MTCL1: variants seen among roughly 807,000 people sequenced by gnomAD.
The protein encoded by MTCL1 is microtubule cross-linking factor 1.
In MTCL1, 79 loss-of-function variants were observed where a neutral mutation model predicts 141.4. The ratio of observed to expected loss-of-function variants is 0.56; its 90% CI spans 0.47 to 0.67. The LOEUF is 0.67. Ranked by LOEUF, MTCL1 falls within the 30% of genes least tolerant of loss-of-function variation. MTCL1 has a pLI of 0.00. For missense variants in MTCL1, 2,177 were observed against 2,113.9 expected, an observed-to-expected ratio of 1.03 and a Z score of -0.59; for synonymous variants, 914 against 875.8, an observed-to-expected ratio of 1.04 and a Z score of -0.77.
chr18:8,715,745 C>T (rs1341030201), upstream of MTCL1, among the ~76,000 whole-genome samples: 1 of 152,210 alleles, frequency 6.6e-6, no homozygotes, highest in Non-Finnish European at 1.5e-5. Flanking sequence ...AACCACAAGG[C>T]TCATTTTAAA....
intron 4 of MTCL1, among the ~76,000 whole-genome samples, chr18:8,762,980 T>A (rs1325232877): frequency 2.6e-5 from 4 of 152,228 alleles, no homozygotes; most frequent in Admixed American, 1.3e-4. Context: ...TCCTCTTTGT[T>A]AATTTCATTC....
At chr18:8,749,219 G>T (rs1044133132) in intron 4 of MTCL1, among the ~76,000 whole-genome samples, 1 of 152,246 alleles carries the variant, frequency 6.6e-6, no homozygotes, top group African/African-American at 2.4e-5. Context: ...GAGAATGACA[G>T]GTGTGCTGTG....
At chr18:8,831,773 A>T in exon 17 of MTCL1, 1 of 1,549,916 alleles carries the variant, frequency 6.5e-7, no homozygotes, top group Non-Finnish European at 8.7e-7. Context: ...GGTGGCGAGG[A>T]GCCGCCCGAG....
chr18:8,825,780 T>A (rs1337835849), exon 15 of MTCL1: 1 of 1,614,054 alleles, frequency 6.2e-7, no homozygotes, highest in Non-Finnish European at 8.5e-7. Context: ...TGAGTCAGCC[T>A]GGGCCCGCTC....
intron 4 of MTCL1, among the ~76,000 whole-genome samples, chr18:8,763,228 G>A (rs965290271): frequency 6.6e-6 from 1 of 152,318 alleles, no homozygotes; most frequent in African/African-American, 2.4e-5. Flanking sequence ...GTTACCAGGG[G>A]GTTAGAAATC....
rs114965084 is a variant in MTCL1, at chr18:8,825,411, G to T, written c.3901G>T (p.Glu1301Ter). The T allele has an allele frequency of 6.5e-7, 1 of 1,545,396 alleles. No homozygotes were observed. Among genetic ancestry groups the T allele is most frequent in the South Asian group, 1.3e-5 (1 of 79,838 alleles). Residue 1301 changes from glutamate to a stop codon, truncating the protein, a stop_gained, in exon 15 of 17, where the codon GAG becomes TAG. Transcript: ENST00000359865. LOFTEE classifies it high-confidence loss of function. ...GAATGCCATCTGCTCCGGCCCTGGC[G>T]AGCTGCAAGTCAAGGACATGGCCTG... is the stretch of plus-strand genomic sequence containing the variant.
upstream of MTCL1, among the ~76,000 whole-genome samples, chr18:8,716,224 A>G (rs921979486): frequency 4.9e-4 from 74 of 152,320 alleles, no homozygotes; most frequent in African/African-American, 1.7e-3. Context: ...TATGCATTTG[A>G]CTACTGGGAA....
chr18:8,736,835 T>C (rs570155444), intron 4 of MTCL1, among the ~76,000 whole-genome samples: 204 of 151,836 alleles, frequency 1.3e-3, no homozygotes, highest in African/African-American at 4.8e-3. Flanking sequence ...AGAGACGGGG[T>C]TTCACCATGT....
rs1256135949 is a variant in MTCL1 at position 8,809,699 on chromosome 18, C to T, written c.2604+2639C>T. The T allele has an allele frequency of 1.8e-5, 24 of 1,335,612 alleles. No homozygotes were observed. The East Asian group carries it at 3.3e-4, about 18-fold the overall frequency. The allele number at this position is 1,335,612 out of a possible 1,614,324, so 82.7% of individuals were successfully genotyped here. ...AGACGCCGTGGAGCAACAGGCACCTCGCACGGCTGTCAGGTTTCTAGTACG... is the reference window on the plus strand; with the variant it reads ...AGACGCCGTGGAGCAACAGGCACCTTGCACGGCTGTCAGGTTTCTAGTACG... On this transcript the variant is annotated intron_variant, in intron 11 of 16. Transcript: ENST00000359865.
chr18:8,805,419 T>G lies in MTCL1; in HGVS notation c.2437-1474T>G, dbSNP rs112147053. 1.4e-3 allele frequency among the ~76,000 whole-genome samples: 214 copies of G among 152,350 alleles called. 1 individual carries two copies. Among genetic ancestry groups the G allele is most frequent in the African/African-American group, 5.0e-3 (206 of 41,580 alleles). ...TAATGGCCTCCAGCTGCAACCATGT[T>G]GCTGCAGAAGCCATGATTTCATTCT... On this transcript the variant is annotated intron_variant, in intron 10 of 16. Coordinates refer to ENST00000359865, the Ensembl canonical transcript of MTCL1.
chr18:8,827,488 G>A (rs1283334476), intron 15 of MTCL1, among the ~76,000 whole-genome samples: 1 of 152,216 alleles, frequency 6.6e-6, no homozygotes, highest in Non-Finnish European at 1.5e-5. Flanking sequence ...CATGTTCCAA[G>A]ATCTGAGTCT....
At chr18:8,806,761 C>A in intron 10 of MTCL1, 132 bp from the exon 10 acceptor site, 1 of 789,014 alleles carries the variant, frequency 1.3e-6, no homozygotes, top group Non-Finnish European at 2.0e-6. Flanking sequence ...GACTCCCCAC[C>A]CACCCTGCAC....
intron 3 of MTCL1, among the ~76,000 whole-genome samples, chr18:8,719,688 A>G (rs1398864599): frequency 6.6e-6 from 1 of 152,130 alleles, no homozygotes; most frequent in East Asian, 1.9e-4. Context: ...TTCACCTCTC[A>G]AGTAGCTGGG....
intron 12 of MTCL1, among the ~76,000 whole-genome samples, chr18:8,814,644 A>G (rs191429845): frequency 6.6e-6 from 1 of 152,334 alleles, no homozygotes; most frequent in Admixed American, 6.5e-5. Context: ...CCGGTGTCAC[A>G]GTAACTCCAG....
exon 6 of MTCL1, chr18:8,784,122 A>T (rs749229614): frequency 1.2e-6 from 2 of 1,613,546 alleles, no homozygotes; most frequent in South Asian, 1.1e-5. Flanking sequence ...CTGCAGGAGG[A>T]GCTGAAGTCA....
chr18:8,781,241 C>G (rs2096531764), intron 5 of MTCL1, among the ~76,000 whole-genome samples: 1 of 148,274 alleles, frequency 6.7e-6, no homozygotes, highest in African/African-American at 2.5e-5. Flanking sequence ...TGCTTTTCCT[C>G]TAGTATTAGT....
At chr18:8,814,760 C>T (rs576213182) in intron 12 of MTCL1, among the ~76,000 whole-genome samples, 1 of 152,210 alleles carries the variant, frequency 6.6e-6, no homozygotes, top group Non-Finnish European at 1.5e-5. Context: ...CTGCCATGCC[C>T]CCTTTAGGGT....
In MTCL1 at chr18:8,822,764, C is replaced by T. The variant is rs1397480688; in HGVS notation, c.3188+1266C>T. Among the ~76,000 whole-genome samples, 1 of 151,864 alleles carries T rather than the reference C, an allele frequency of 6.6e-6. No individual in the cohort carries two copies. Among genetic ancestry groups the T allele is most frequent in the African/African-American group, 2.4e-5 (1 of 41,314 alleles). On this transcript the variant is annotated intron_variant, in intron 14 of 16. Transcript: ENST00000359865. This position sits in a 1 kb window ranked among gnomAD's most constrained non-coding sequence, Gnocchi z 4.6. The stretch of plus-strand genomic sequence containing the variant: ...CACATGGCACAAAACAAACAGTAAA[C>T]AGAGTTTAGTCATTACACCCTCCCA...
intron 15 of MTCL1, among the ~76,000 whole-genome samples, chr18:8,827,280 C>G (rs1175770600): frequency 6.6e-6 from 1 of 152,212 alleles, no homozygotes; most frequent in African/African-American, 2.4e-5. Flanking sequence ...AGGTGTATTG[C>G]CTGTTTCACC....
Sources: gnomAD v4.1 joint callset for allele counts (sites outside exome capture counted in the v4.1 genomes callset) on GRCh38, gnomAD v4.1.1 for gene constraint, Gnocchi (gnomAD v3.1) non-coding constraint, MANE v1.5 for transcripts, NCBI Gene and HGNC (gene_info 2026-07-23, HGNC 2026-07-21) for gene names.